Variants in FRMD4B observed in about 807,000 individuals in gnomAD.
The protein encoded by FRMD4B is FERM domain containing 4B, also known as FERM domain-containing protein 4B.
In FRMD4B, 74 loss-of-function variants were observed where a neutral mutation model predicts 141.5. The observed-to-expected ratio is 0.52, with a 90% CI of 0.43 to 0.63. FRMD4B has a LOEUF of 0.63. Ranked by LOEUF, FRMD4B falls within the 30% of genes least tolerant of loss-of-function variation. The pLI, the probability that FRMD4B is intolerant of heterozygous loss-of-function variation, is 0.00. For synonymous variants in FRMD4B, 506 were observed against 467.9 expected, an observed-to-expected ratio of 1.08 and a Z score of -1.05; for missense variants, 1,366 against 1,253.4, an observed-to-expected ratio of 1.09 and a Z score of -1.36.
At chr3:69,257,409 G>A (rs1290378340) in intron 5 of FRMD4B, among the ~76,000 whole-genome samples, 1 of 152,086 alleles carries the variant, frequency 6.6e-6, no homozygotes, top group Non-Finnish European at 1.5e-5. Context: ...TATTGACTGT[G>A]CCCCTTCTGA....
intron 1 of FRMD4B, among the ~76,000 whole-genome samples, chr3:69,384,085 G>A (rs1220735660): frequency 2.0e-5 from 3 of 151,902 alleles, no homozygotes; most frequent in Non-Finnish European, 2.9e-5. Context: ...TAGACACACA[G>A]CACACTGCCT....
Position 69,311,341 on chromosome 3 carries a change from C to G in FRMD4B, c.245G>C (p.Arg82Thr). The G allele has an allele frequency of 6.3e-7, 1 of 1,598,470 alleles. No homozygotes were observed. The highest frequency in any genetic ancestry group is 1.1e-5 in the South Asian group (1 of 90,302). Residue 82 changes from arginine to threonine, a missense_variant, in exon 3 of 23, where the codon AGA becomes ACA. Arg to Thr is a moderately conservative substitution (Grantham distance 71). Coordinates refer to ENST00000398540, the MANE Select transcript of FRMD4B (RefSeq NM_015123.3). ...ELLVQPKLLARELLDLVASHF... is the reference protein window; with the variant it reads ...ELLVQPKLLATELLDLVASHF... The stretch of plus-strand genomic sequence containing the variant: ...TGAAGCCACTAGGTCCAGCAACTCT[C>G]TTGCTAGAAGTTTGGGCTGTCAAAA...
chr3:69,451,161 T>C (rs1020624306), intron 1 of FRMD4B, among the ~76,000 whole-genome samples: 1 of 152,090 alleles, frequency 6.6e-6, no homozygotes, highest in African/African-American at 2.4e-5. Flanking sequence ...TATCAGAGGA[T>C]GATGTGTGAT....
At position 69,175,769 on chromosome 3, in the gene FRMD4B, C is replaced by CTT. The variant is rs141059202; in HGVS notation, c.2984+753_2984+754dup. On this transcript the variant is annotated intron_variant, in intron 22 of 22. Transcript: ENST00000398540. ...GTTAGCAAACTTTTTCTTTTCTTCT[C>CTT]TTTTTTTTTTTTTTTTTTTTTTTGA... Among the ~76,000 whole-genome samples the CTT allele has an allele frequency of 2.3e-3, 202 of 88,078 alleles. 2 individuals carry two copies. The highest frequency in any genetic ancestry group is 6.6e-3 in the African/African-American group (176 of 26,576). 57.8% of individuals were successfully genotyped at this position (88,078 alleles called of 152,430 possible).
intron 1 of FRMD4B, among the ~76,000 whole-genome samples, chr3:69,328,210 A>T (rs79511032): frequency 0.054 from 8,246 of 152,262 alleles, 775 homozygotes; most frequent in African/African-American, 0.19. Context: ...AATAAATCGC[A>T]TTAAAAGCAA....
At chr3:69,313,290 C>T (rs1701665692) in intron 2 of FRMD4B, among the ~76,000 whole-genome samples, 162 bp downstream of exon 2, 1 of 152,132 alleles carries the variant, frequency 6.6e-6, no homozygotes, top group South Asian at 2.1e-4. Flanking sequence ...GTTTTTTTCC[C>T]CTTGATCAAT....
chr3:69,390,329 C>A (rs1265375744), upstream of FRMD4B, among the ~76,000 whole-genome samples: 2 of 152,080 alleles, frequency 1.3e-5, no homozygotes, highest in South Asian at 2.1e-4. Flanking sequence ...CATGGACGTC[C>A]AACATAGGGC....
intron 1 of FRMD4B, among the ~76,000 whole-genome samples, chr3:69,351,681 G>C (rs1686748878): frequency 6.6e-6 from 1 of 152,104 alleles, no homozygotes; most frequent in African/African-American, 2.4e-5. Context: ...TCATCCTCTG[G>C]CCCAGAAAAG....
At chr3:69,497,548 G>A (rs1355416735) in intron 1 of FRMD4B, among the ~76,000 whole-genome samples, 4 of 152,044 alleles carry the variant, frequency 2.6e-5, no homozygotes, top group Admixed American at 1.3e-4. Context: ...CTGAACTTAC[G>A]AGTCTCAATA....
chr3:69,419,699 G>A (rs1455215691), intron 2 of FRMD4B, among the ~76,000 whole-genome samples: 1 of 152,138 alleles, frequency 6.6e-6, no homozygotes, highest in Non-Finnish European at 1.5e-5. Context: ...AGAAGTGCAT[G>A]GATGGCAACT....
At chr3:69,267,616 TATATATATATATATATATATAG>T (rs2093570884) in intron 5 of FRMD4B, among the ~76,000 whole-genome samples, 9 of 98,726 alleles carry the variant, frequency 9.1e-5, no homozygotes, top group South Asian at 3.8e-4. Context: ...TATATATATA[TATATATATATATATATATATAG>T]AGAGAGAGAG....
rs371768419 is a variant in FRMD4B, at chr3:69,281,309, G to A, written c.501+6443C>T. 9.8e-4 allele frequency among the ~76,000 whole-genome samples: 149 copies of A among 152,214 alleles called. 3 individuals are homozygous for A. Among genetic ancestry groups the A allele is most frequent in the African/African-American group, 3.4e-3 (140 of 41,542 alleles). ...TGTAATTAGTGTTGACTATAGTATT[G>A]TTAAGTGTTATTCAGTAATACCTGG... On this transcript the variant is annotated intron_variant, in intron 5 of 22. Transcript: ENST00000398540.
At chr3:69,448,766 T>G (rs1030361195) in intron 1 of FRMD4B, among the ~76,000 whole-genome samples, 1 of 152,258 alleles carries the variant, frequency 6.6e-6, no homozygotes, top group Admixed American at 6.5e-5. Context: ...AAATGCAACC[T>G]GGAAAAAAAT....
chr3:69,346,770 C>G (rs1292178145), intron 1 of FRMD4B, among the ~76,000 whole-genome samples: 2 of 152,092 alleles, frequency 1.3e-5, no homozygotes, highest in African/African-American at 2.4e-5. Flanking sequence ...CCTTTACAGA[C>G]AAGCAAATGC....
At chr3:69,353,153 G>A (rs917206176) in intron 1 of FRMD4B, among the ~76,000 whole-genome samples, 8 of 151,868 alleles carry the variant, frequency 5.3e-5, no homozygotes, top group Non-Finnish European at 7.4e-5. Context: ...GTGATGAAGT[G>A]GAATTACATA....
chr3:69,519,280 T>C (rs932652287), intron 1 of FRMD4B, among the ~76,000 whole-genome samples: 1 of 152,102 alleles, frequency 6.6e-6, no homozygotes, highest in East Asian at 1.9e-4. Flanking sequence ...GGAGTGTGAA[T>C]GTGTGCATGG....
At chr3:69,540,640 T>C (rs60572220) in intron 1 of FRMD4B, among the ~76,000 whole-genome samples, 2 of 61,466 alleles carry the variant, frequency 3.3e-5, no homozygotes, top group Non-Finnish European at 5.3e-5. Flanking sequence ...AAAAAAAATA[T>C]ATATATATAT....
intron 1 of FRMD4B, among the ~76,000 whole-genome samples, chr3:69,495,610 C>T (rs964133029): frequency 6.6e-6 from 1 of 152,180 alleles, no homozygotes; most frequent in Non-Finnish European, 1.5e-5. Context: ...CCCACCTCTG[C>T]CCCTTGAACT....
intron 5 of FRMD4B, among the ~76,000 whole-genome samples, chr3:69,264,754 A>C (rs1015619341): frequency 3.3e-5 from 5 of 152,214 alleles, no homozygotes; most frequent in African/African-American, 1.2e-4. Flanking sequence ...AGATGCTTTG[A>C]AAAAGTAAAA....
Sources: allele counts gnomAD v4.1 joint callset (sites outside exome capture counted in the v4.1 genomes callset), GRCh38; gene constraint gnomAD v4.1.1; transcripts MANE v1.5; gene names NCBI Gene and HGNC (gene_info 2026-07-23, HGNC 2026-07-21).